Variants in HTR4 observed in about 807,000 individuals in gnomAD.
The protein encoded by HTR4 is 5-hydroxytryptamine receptor 4.
Under a neutral mutation model 36.8 loss-of-function variants are expected in HTR4, and 16 were observed. That is an observed-to-expected ratio of 0.43 (90% confidence interval 0.29 to 0.66). The LOEUF is 0.66. Ranked by LOEUF, HTR4 falls within the 30% of genes least tolerant of loss-of-function variation. HTR4 has a pLI of 0.13. For synonymous variants in HTR4, 189 were observed against 185.1 expected (o/e 1.02, Z -0.17); for missense variants, 438 against 490.9 (o/e 0.89, Z 1.02).
chr5:148,499,236 C>CT (rs1756827478), intron 6 of HTR4, among the ~76,000 whole-genome samples: 1 of 152,084 alleles, frequency 6.6e-6, no homozygotes, highest in African/African-American at 2.4e-5. Flanking sequence ...AAATGATGGA[C>CT]TTAGGGCTCT....
intron 1 of HTR4, among the ~76,000 whole-genome samples, chr5:148,649,077 C>T (rs62389022): frequency 0.19 from 29,527 of 151,984 alleles, 3,445 homozygotes; most frequent in East Asian, 0.4. Context: ...GTGTCTAGGC[C>T]TTAGTTTTCT....
chr5:148,490,033 T>A (rs1282196497), intron 6 of HTR4, among the ~76,000 whole-genome samples: 1 of 151,980 alleles, frequency 6.6e-6, no homozygotes, highest in Non-Finnish European at 1.5e-5. Flanking sequence ...TTTGCAACTC[T>A]GTCAAGGAAA....
At chr5:148,538,590 C>G (rs1758947829) in intron 4 of HTR4, among the ~76,000 whole-genome samples, 1 of 152,020 alleles carries the variant, frequency 6.6e-6, no homozygotes, top group African/African-American at 2.4e-5. Flanking sequence ...GACAGCCAAG[C>G]TAAGAGCCAA....
chr5:148,506,473 C>T (rs1300278322), intron 6 of HTR4, among the ~76,000 whole-genome samples: 3 of 152,154 alleles, frequency 2.0e-5, no homozygotes, highest in Middle Eastern at 3.2e-3. Context: ...GCAAGGACTA[C>T]ATGTCTAAAA....
intron 4 of HTR4, among the ~76,000 whole-genome samples, chr5:148,527,138 C>T (rs1758318878): frequency 6.6e-6 from 1 of 152,084 alleles, no homozygotes; most frequent in South Asian, 2.1e-4. Flanking sequence ...ATCACATGTA[C>T]CCCATAAGTA....
intron 6 of HTR4, among the ~76,000 whole-genome samples, chr5:148,508,853 C>A (rs1423243701): frequency 6.6e-6 from 1 of 151,736 alleles, no homozygotes; most frequent in African/African-American, 2.4e-5. Flanking sequence ...GTATGTCATG[C>A]CCTATATGAA....
intron 2 of HTR4, among the ~76,000 whole-genome samples, chr5:148,625,999 A>G (rs1222121270): frequency 6.6e-6 from 1 of 151,262 alleles, no homozygotes; most frequent in Non-Finnish European, 1.5e-5. Context: ...CCCTCTTACT[A>G]GTGTAGAAAG....
intron 2 of HTR4, among the ~76,000 whole-genome samples, chr5:148,570,738 C>A (rs1287300803): frequency 1.3e-5 from 2 of 152,016 alleles, no homozygotes; most frequent in East Asian, 3.9e-4. Context: ...AGAAGGTTGG[C>A]ACTGGGGGTG....
At chr5:148,585,492 AG>A (rs1185082020) in intron 2 of HTR4, among the ~76,000 whole-genome samples, 5 of 152,212 alleles carry the variant, frequency 3.3e-5, no homozygotes, top group Admixed American at 1.3e-4. Flanking sequence ...GAACCATGCT[AG>A]TCACTGTTGA....
At chr5:148,610,225 G>A (rs185287372) in intron 2 of HTR4, among the ~76,000 whole-genome samples, 13 of 152,264 alleles carry the variant, frequency 8.5e-5, no homozygotes, top group South Asian at 6.2e-4. Flanking sequence ...GAACAGCTCC[G>A]GTCTACAGCT....
intron 2 of HTR4, among the ~76,000 whole-genome samples, chr5:148,596,617 C>T (rs903083327): frequency 4.0e-5 from 6 of 151,890 alleles, no homozygotes; most frequent in African/African-American, 1.5e-4. Flanking sequence ...GAAGCATCAC[C>T]ACCCCCTTCT....
chr5:148,564,105 A>C (rs1581482237), intron 2 of HTR4, among the ~76,000 whole-genome samples: 1 of 152,238 alleles, frequency 6.6e-6, no homozygotes, highest in East Asian at 1.9e-4. Context: ...ATTTTGATAC[A>C]ATAGCACATC....
chr5:148,500,777 G>A (rs771427684), intron 6 of HTR4, among the ~76,000 whole-genome samples: 37 of 151,902 alleles, frequency 2.4e-4, no homozygotes, highest in Non-Finnish European at 4.4e-4. Context: ...CTGACAAACC[G>A]CTAAGTAATG....
chr5:148,479,184 G>A (rs1201422565), downstream of HTR4, among the ~76,000 whole-genome samples: 1 of 152,030 alleles, frequency 6.6e-6, no homozygotes, highest in African/African-American at 2.4e-5. Context: ...TTGTCTTATT[G>A]CTGGAGGCCT....
Position 148,481,578 on chromosome 5 carries a change from A to C in HTR4, c.*1625T>G. On this transcript the variant is annotated 3_prime_UTR_variant, in exon 7 of 7. Transcript: ENST00000377888. ...TTTTTGGCATTTGGATGGTTTGGTC[A>C]ATCTTCTCTTCCTTATTCCAAAGTT... 5.9e-6 allele frequency: 9 copies of C among 1,525,842 alleles called. No homozygotes were observed. Among genetic ancestry groups the C allele is most frequent in the Non-Finnish European group, 7.9e-6 (9 of 1,144,482 alleles). 94.5% of individuals were successfully genotyped at this position (1,525,842 alleles called of 1,614,324 possible).
chr5:148,608,082 T>G (rs1752256155), intron 2 of HTR4, among the ~76,000 whole-genome samples: 1 of 152,118 alleles, frequency 6.6e-6, no homozygotes, highest in South Asian at 2.1e-4. Context: ...ATACCCCAAA[T>G]CTATCCAAAA....
chr5:148,615,696 G>T (rs192019932), intron 2 of HTR4, among the ~76,000 whole-genome samples: 3,181 of 135,506 alleles, frequency 0.023, 54 homozygotes, highest in South Asian at 0.088. Context: ...AAAAAATAAA[G>T]AAAGAAAGAA....
At chr5:148,603,931 G>A (rs1325585985) in intron 2 of HTR4, among the ~76,000 whole-genome samples, 1 of 151,950 alleles carries the variant, frequency 6.6e-6, no homozygotes, top group East Asian at 1.9e-4. Context: ...GGAGAAAAAA[G>A]ACTTTTCAAT....
intron 4 of HTR4, among the ~76,000 whole-genome samples, chr5:148,543,468 A>T (rs1317701851): frequency 6.6e-6 from 1 of 152,222 alleles, no homozygotes. Context: ...TTGCTAATAG[A>T]TCATCCAATA....
Sources: gnomAD v4.1 joint callset for allele counts (sites outside exome capture counted in the v4.1 genomes callset) on GRCh38, gnomAD v4.1.1 for gene constraint, MANE v1.5 for transcripts, NCBI Gene and HGNC (gene_info 2026-07-23, HGNC 2026-07-21) for gene names.